The following ST7 variants were observed in gnomAD, a reference collection of about 807,000 sequenced individuals.
The protein encoded by ST7 is suppression of tumorigenicity 7.
A neutral mutation model predicts 78.7 loss-of-function variants in ST7; 28 were observed. The observed-to-expected ratio is 0.36, with a 90% CI of 0.26 to 0.49. The LOEUF is 0.49. Among genes scored for constraint, ST7 ranks in the 20% least tolerant of loss-of-function variants. The pLI, the probability that ST7 is intolerant of heterozygous loss-of-function variation, is 0.99. For missense variants in ST7, 418 were observed against 696.0 expected, an observed-to-expected ratio of 0.60 and a Z score of 4.49; for synonymous variants, 247 against 249.6, an observed-to-expected ratio of 0.99 and a Z score of 0.10.
intron 1 of ST7, among the ~76,000 whole-genome samples, chr7:116,991,924 A>G (rs1249842878): frequency 6.6e-6 from 1 of 152,150 alleles, no homozygotes; most frequent in African/African-American, 2.4e-5. Flanking sequence ...ACAGGGCCCA[A>G]CCAAGTCTAA....
intron 1 of ST7, among the ~76,000 whole-genome samples, chr7:116,988,708 A>G (rs1477777770): frequency 1.3e-5 from 2 of 152,226 alleles, no homozygotes; most frequent in Non-Finnish European, 2.9e-5. Context: ...GGAAGCATAA[A>G]TCATAATCTA....
chr7:117,031,019 A>C (rs1796447137), intron 1 of ST7, among the ~76,000 whole-genome samples: 1 of 152,208 alleles, frequency 6.6e-6, no homozygotes, highest in South Asian at 2.1e-4. Flanking sequence ...AAAAAGAACA[A>C]GATCATGTCC....
chr7:117,211,024 C>T (rs1485665531), intron 13 of ST7, among the ~76,000 whole-genome samples: 2 of 152,130 alleles, frequency 1.3e-5, no homozygotes, highest in South Asian at 2.1e-4. Context: ...TGATAATCTG[C>T]TCCTCCCTTT....
chr7:117,082,530 TGATC>T (rs752430783), intron 1 of ST7, among the ~76,000 whole-genome samples: 25 of 152,244 alleles, frequency 1.6e-4, no homozygotes, highest in Admixed American at 5.2e-4. Flanking sequence ...ATTGGGATAC[TGATC>T]GACTTCCCAA....
intron 1 of ST7, among the ~76,000 whole-genome samples, chr7:116,963,430 C>G (rs566331171): frequency 6.6e-6 from 1 of 152,272 alleles, no homozygotes. Context: ...AAATAAGGAA[C>G]TGACAGGCCC....
chr7:117,018,660 C>T (rs894399488), intron 1 of ST7, among the ~76,000 whole-genome samples: 1 of 152,176 alleles, frequency 6.6e-6, no homozygotes, highest in African/African-American at 2.4e-5. Context: ...ATATCATTCA[C>T]CACCTGTGTG....
At chr7:117,155,108 A>T (rs1015767531) in intron 9 of ST7, among the ~76,000 whole-genome samples, 2 of 152,178 alleles carry the variant, frequency 1.3e-5, no homozygotes, top group African/African-American at 4.8e-5. Flanking sequence ...AGGAGGGCCT[A>T]ATTTAGATAA....
At chr7:117,177,158 A>T (rs959272818) in intron 10 of ST7, among the ~76,000 whole-genome samples, 5 of 152,230 alleles carry the variant, frequency 3.3e-5, no homozygotes, top group Non-Finnish European at 5.9e-5. Flanking sequence ...TTTGGACACC[A>T]AGAGGTAGAT....
At chr7:117,175,739 T>C (rs1194426573) in intron 10 of ST7, among the ~76,000 whole-genome samples, 14 of 152,226 alleles carry the variant, frequency 9.2e-5, no homozygotes, top group Admixed American at 9.2e-4. Flanking sequence ...GTTTAATCTA[T>C]GTTAAGTGTC....
intron 1 of ST7, among the ~76,000 whole-genome samples, chr7:117,087,985 T>C (rs1243352998): frequency 2.0e-5 from 3 of 152,238 alleles, no homozygotes; most frequent in Admixed American, 6.5e-5. Flanking sequence ...CTGCCTGCTA[T>C]ATGAAGTCCA....
intron 1 of ST7, among the ~76,000 whole-genome samples, chr7:117,005,450 C>T (rs1795118092): frequency 1.3e-5 from 2 of 152,174 alleles, no homozygotes; most frequent in Non-Finnish European, 2.9e-5. Context: ...CCCCTGTTTT[C>T]CTCTCTGCCT....
At chr7:117,104,095 T>G (rs1801770113) in intron 2 of ST7, among the ~76,000 whole-genome samples, 1 of 152,100 alleles carries the variant, frequency 6.6e-6, no homozygotes, top group African/African-American at 2.4e-5. Flanking sequence ...CTCGGCCTCC[T>G]GAGTAGCTGG....
At chr7:116,983,466 A>G (rs1182123130) in intron 1 of ST7, among the ~76,000 whole-genome samples, 1 of 152,126 alleles carries the variant, frequency 6.6e-6, no homozygotes, top group Non-Finnish European at 1.5e-5. Flanking sequence ...CATGCTGAGC[A>G]TCCTCCTCAG....
At chr7:117,111,696 C>T (rs1294376109) in intron 2 of ST7, among the ~76,000 whole-genome samples, 1 of 152,190 alleles carries the variant, frequency 6.6e-6, no homozygotes, top group Non-Finnish European at 1.5e-5. Context: ...CTGCTTGGCA[C>T]AAGCCTTCCC....
At chr7:117,031,820 A>ATGTG (rs1796590273) in intron 1 of ST7, among the ~76,000 whole-genome samples, 2 of 5,870 alleles carry the variant, frequency 3.4e-4, no homozygotes, top group African/African-American at 1.2e-3. Flanking sequence ...ATATGCATAT[A>ATGTG]TCTATATCTA....
At chr7:117,188,262 C>T (rs1354730997) in intron 10 of ST7, among the ~76,000 whole-genome samples, 1 of 152,114 alleles carries the variant, frequency 6.6e-6, no homozygotes, top group Non-Finnish European at 1.5e-5. Flanking sequence ...TTCATTTCTA[C>T]TTTACTGTAA....
intron 1 of ST7, among the ~76,000 whole-genome samples, chr7:116,964,323 C>A (rs531406733): frequency 6.6e-6 from 1 of 152,336 alleles, no homozygotes; most frequent in South Asian, 2.1e-4. Flanking sequence ...AAATTTACTT[C>A]CCTACAAATT....
rs1563154553 is a variant in ST7, at chr7:117,190,736, C to T, written c.1152-98C>T. On this transcript the variant is annotated intron_variant, in intron 11 of 15. Coordinates refer to ENST00000323984, the MANE Select transcript of ST7 (RefSeq NM_001369598.1). The surrounding 1 kb of genome is among the most constrained non-coding windows in gnomAD (Gnocchi z 5.2). ...AAGTTTGGAGAGCTCATGCTATTGG[C>T]TCACTGTGGTTTTATGGGCCCTAGA... 1 of 910,960 alleles carries T rather than the reference C, an allele frequency of 1.1e-6. No individual in the cohort carries two copies. Among genetic ancestry groups the T allele is most frequent in the Non-Finnish European group, 1.8e-6 (1 of 570,620 alleles). The allele number at this position is 910,960 out of a possible 1,614,324, so 56.4% of individuals were successfully genotyped here. A position where few individuals can be genotyped will look rare whatever the true frequency, so the allele number is the denominator to read the frequency against.
intron 1 of ST7, among the ~76,000 whole-genome samples, chr7:117,079,811 A>G (rs1002014260): frequency 7.8e-4 from 118 of 152,184 alleles, no homozygotes; most frequent in African/African-American, 2.8e-3. Context: ...TACTTAATGG[A>G]TTCTAGTTTT....
Sources: gnomAD v4.1 joint callset for allele counts (sites outside exome capture counted in the v4.1 genomes callset) on GRCh38, gnomAD v4.1.1 for gene constraint, Gnocchi (gnomAD v3.1) non-coding constraint, MANE v1.5 for transcripts, NCBI Gene and HGNC (gene_info 2026-07-23, HGNC 2026-07-21) for gene names.